Variants in DHX30 observed in about 807,000 individuals in gnomAD.
The protein encoded by DHX30 is DExH-box helicase 30.
In DHX30, 4 loss-of-function variants were observed where a neutral mutation model predicts 116.9. The observed-to-expected ratio is 0.03, with a 90% confidence interval of 0.02 to 0.08. The LOEUF is 0.08. Among genes scored for constraint, DHX30 ranks in the 10% least tolerant of loss-of-function variants. The probability of loss-of-function intolerance (pLI) is 1.00; values close to 1 mark genes in which losing one functional copy is unlikely to be tolerated. For missense variants in DHX30, 871 were observed against 1,595.1 expected (o/e 0.55, Z 7.73); for synonymous variants, 697 against 651.7 (o/e 1.07, Z -1.06).
At chr3:47,804,422 G>T (rs1042177036) in intron 1 of DHX30, among the ~76,000 whole-genome samples, 3 of 152,176 alleles carry the variant, frequency 2.0e-5, no homozygotes, top group Non-Finnish European at 4.4e-5. Context: ...GGGCATGGTG[G>T]CGTGCGCCTG....
chr3:47,846,477 C>A lies in DHX30; in HGVS notation c.1405C>A (p.Gln469Lys), dbSNP rs2037613111. 17 of 1,614,116 alleles carry A rather than the reference C, an allele frequency of 1.1e-5. No homozygotes were observed. The highest frequency in any genetic ancestry group is 1.3e-5 in the Non-Finnish European group (15 of 1,180,050). ...TGCGKTTRIP[Q>K]LLLERYVTEG... The stretch of plus-strand genomic sequence containing the variant: ...CTGTGGGAAGACCACGCGCATCCCC[C>A]AGCTGTTGCTGGAGCGCTATGTGAC... Residue 469 changes from glutamine to lysine, a missense_variant, in exon 11 of 22, where the codon CAG becomes AAG. This residue lies in a region of DHX30 where 63 missense variants were observed against 180.6 expected (regional missense o/e 0.35). Transcript: ENST00000445061.
Position 47,847,579 on chromosome 3 carries a change from C to A in DHX30, c.2110+43C>A. The A allele has an allele frequency of 6.5e-7, 1 of 1,526,828 alleles. No individual in the cohort carries two copies. The highest frequency in any genetic ancestry group is 1.2e-5 in the South Asian group (1 of 80,760). 94.6% of individuals were successfully genotyped at this position (1,526,828 alleles called of 1,614,324 possible). On this transcript the variant is annotated intron_variant, in intron 13 of 21. Coordinates refer to ENST00000445061, the MANE Select transcript of DHX30 (RefSeq NM_138615.3). The surrounding 1 kb of genome is among the most constrained non-coding windows in gnomAD (Gnocchi z 5.5). ...GGGACCAGGGACCTTTGGAAACCAGCCTGACCTCTGTCCTAGGGACTGACC... is the reference window on the plus strand; with the variant it reads ...GGGACCAGGGACCTTTGGAAACCAGACTGACCTCTGTCCTAGGGACTGACC...
At chr3:47,819,181 A>C in intron 4 of DHX30, 1 of 1,359,158 alleles carries the variant, frequency 7.4e-7, no homozygotes. Flanking sequence ...TTACCAAAAC[A>C]AGAGTTGATT....
intron 4 of DHX30, among the ~76,000 whole-genome samples, chr3:47,823,101 AAAAAAAAAG>A (rs1435702174): frequency 2.5e-4 from 38 of 151,294 alleles, no homozygotes; most frequent in African/African-American, 9.2e-4. Context: ...TCAAAAAAAA[AAAAAAAAAG>A]AAAAGAAAGA....
intron 21 of DHX30, 23 bp downstream of exon 21, chr3:47,849,792 C>T (rs369519170): frequency 6.1e-4 from 974 of 1,608,552 alleles, no homozygotes; most frequent in Admixed American, 1.2e-3. Context: ...AGGCCTCCCG[C>T]CCACCCCGCT....
chr3:47,829,406 C>T lies in DHX30; in HGVS notation c.366+272C>T, dbSNP rs575831019. On this transcript the variant is annotated intron_variant, in intron 6 of 21. Coordinates refer to ENST00000445061, the MANE Select transcript of DHX30 (RefSeq NM_138615.3). ...TTGCCCAGGCTGGAGTGCAGTGATG[C>T]GATCTTGGCTCACTGCAACCTCCAC... 2.2e-4 allele frequency among the ~76,000 whole-genome samples: 31 copies of T among 139,310 alleles called. 1 individual carries two copies. In the South Asian group the frequency reaches 3.5e-3, roughly 16 times the overall value. 91.4% of individuals were successfully genotyped at this position (139,310 alleles called of 152,430 possible).
chr3:47,817,182 G>A (rs1459962383), intron 3 of DHX30, among the ~76,000 whole-genome samples: 2 of 152,146 alleles, frequency 1.3e-5, no homozygotes, highest in African/African-American at 4.8e-5. Context: ...AAACCAGAGG[G>A]GCAAAGAGAG....
Position 47,849,097 on chromosome 3 carries a change from C to T in DHX30, c.2929+18C>T, listed in dbSNP as rs1428900121. On this transcript the variant is annotated intron_variant, in intron 18 of 21. Coordinates refer to ENST00000445061, the MANE Select transcript of DHX30 (RefSeq NM_138615.3). ...CATCCACGGTCAGTCGGGCCCACAC[C>T]TGCTCTCCTGAGCCCCTCCCACCCC... 6.2e-7 allele frequency: 1 copy of T among 1,610,556 alleles called. No homozygotes were observed.
chr3:47,816,381 C>T lies in DHX30; in HGVS notation c.29-1641C>T, dbSNP rs538105620. ...CTTTTTTTTTTTTTTTTTTTTAAGA[C>T]GGAGTCTTGTTCTGTGGCCAGGCTG... On this transcript the variant is annotated intron_variant, in intron 3 of 21. Coordinates refer to ENST00000445061, the MANE Select transcript of DHX30 (RefSeq NM_138615.3). 8.0e-5 allele frequency: 68 copies of T among 849,262 alleles called. No individual in the cohort carries two copies. The East Asian group carries it at 2.1e-3, about 26-fold the overall frequency. The allele number at this position is 849,262 out of a possible 1,614,324, so 52.6% of individuals were successfully genotyped here.
rs1189388149 is a variant in DHX30, at chr3:47,829,287, GAT to G, written c.366+180_366+181del. Among the ~76,000 whole-genome samples the G allele has an allele frequency of 1.1e-3, 38 of 35,842 alleles. 2 individuals carry two copies. The highest frequency in any genetic ancestry group is 2.3e-3 in the South Asian group (2 of 868). The allele number at this position is 35,842 out of a possible 152,430, so 23.5% of individuals were successfully genotyped here. On this transcript the variant is annotated intron_variant, in intron 6 of 21. Coordinates refer to ENST00000445061, the MANE Select transcript of DHX30 (RefSeq NM_138615.3). ...TCCTTTCTTACTGTTCAGCCAATGA[GAT>G]ATATATATATATATATATATATATA...
rs887672285 is a variant in DHX30 at position 47,810,798 on chromosome 3, G to C, written c.28+87G>C. On this transcript the variant is annotated intron_variant, in intron 3 of 21. Transcript: ENST00000445061. The stretch of plus-strand genomic sequence containing the variant: ...GGCTGTGAAAGTCTCTCCCCAGTAT[G>C]TAGTTCTTGCACATTTCTTTGGGTG... 4 of 1,351,834 alleles carry C rather than the reference G, an allele frequency of 3.0e-6. No homozygotes were observed. The African/African-American group carries it at 4.3e-5, about 15-fold the overall frequency. 83.7% of individuals were successfully genotyped at this position (1,351,834 alleles called of 1,614,324 possible). A position where few individuals can be genotyped will look rare whatever the true frequency, so the allele number is the denominator to read the frequency against.
rs187470747 is a variant in DHX30 at position 47,828,999 on chromosome 3, C to T, written c.256-25C>T. ...ACTCTAGTCTGGAGTGGCAAGACTT[C>T]TGATTTCTCTCTTCTCTTCCCCAGA... On this transcript the variant is annotated intron_variant, in intron 5 of 21. Transcript: ENST00000445061. The T allele has an allele frequency of 2.0e-6, 3 of 1,498,118 alleles. 1 individual carries two copies. In the South Asian group the frequency reaches 3.5e-5, roughly 17 times the overall value. 92.8% of individuals were successfully genotyped at this position (1,498,118 alleles called of 1,614,324 possible).
chr3:47,845,997 C>G, intron 10 of DHX30, 145 bp downstream of exon 10: 2 of 1,439,576 alleles, frequency 1.4e-6, no homozygotes, highest in Non-Finnish European at 1.9e-6. Context: ...CTGGCCTGAA[C>G]AGCCCAGTCT....
chr3:47,805,870 GTC>G (rs2035491087), intron 2 of DHX30, among the ~76,000 whole-genome samples: 1 of 152,076 alleles, frequency 6.6e-6, no homozygotes, highest in Admixed American at 6.6e-5. Context: ...TCATTGTGGA[GTC>G]TCTGTCCTGG....
At chr3:47,822,330 T>C (rs1381094817) in intron 4 of DHX30, 2 of 153,206 alleles carry the variant, frequency 1.3e-5, no homozygotes, top group Non-Finnish European at 2.9e-5. Flanking sequence ...TCCATTTTCA[T>C]GCTGCTGATA....
intron 9 of DHX30, 72 bp downstream of exon 9, chr3:47,843,327 G>A (rs2037461905): frequency 1.3e-6 from 2 of 1,584,542 alleles, no homozygotes; most frequent in East Asian, 4.5e-5. Flanking sequence ...TGGCAAATGG[G>A]TCCCATTTTC....
chr3:47,841,941 G>T, intron 8 of DHX30: 1 of 664,998 alleles, frequency 1.5e-6, no homozygotes, highest in Non-Finnish European at 2.5e-6. Context: ...GAGTGGGCTT[G>T]GGGGCCGCAA....
At chr3:47,816,947 CT>C (rs2036087021) in intron 3 of DHX30, 3 of 984,454 alleles carry the variant, frequency 3.0e-6, no homozygotes, top group African/African-American at 3.5e-5. Context: ...AGGGCTTTTT[CT>C]TTCCTGCTGA....
chr3:47,829,065 A>G lies in DHX30; in HGVS notation c.297A>G (p.Val99=). The G allele has an allele frequency of 6.2e-7, 1 of 1,610,920 alleles. No homozygotes were observed. Among genetic ancestry groups the G allele is most frequent in the Non-Finnish European group, 8.5e-7 (1 of 1,178,530 alleles). ...LHIKWPKSVE[V]EGYGSKKIDA... ...TAAAATGGCCCAAGAGCGTGGAGGTAGAAGGCTATGGCAGCAAGAAGATCG... is the reference window on the plus strand; with the variant it reads ...TAAAATGGCCCAAGAGCGTGGAGGTGGAAGGCTATGGCAGCAAGAAGATCG... Residue 99 remains valine, a synonymous_variant, in exon 6 of 22, where the codon GTA becomes GTG. Coordinates refer to ENST00000445061, the MANE Select transcript of DHX30 (RefSeq NM_138615.3).
Sources: allele counts gnomAD v4.1 joint callset (sites outside exome capture counted in the v4.1 genomes callset), GRCh38; gene constraint gnomAD v4.1.1; regional missense constraint gnomAD v4.1.1; non-coding constraint Gnocchi (gnomAD v3.1); transcripts MANE v1.5; gene names NCBI Gene and HGNC (gene_info 2026-07-23, HGNC 2026-07-21).